KIF2C: variants seen among roughly 807,000 people sequenced by gnomAD.
The protein encoded by KIF2C is kinesin family member 2C, also known as kinesin-like protein KIF2C.
KIF2C carries 34 observed loss-of-function variants against 97.4 expected under a neutral mutation model. That is an observed-to-expected ratio of 0.35 (90% CI 0.27 to 0.46). The LOEUF (loss-of-function observed/expected upper bound fraction) is 0.46. Among genes scored for constraint, KIF2C ranks in the 20% least tolerant of loss-of-function variants. The pLI, the probability that KIF2C is intolerant of heterozygous loss-of-function variation, is 1.00. For missense variants in KIF2C, 750 were observed against 907.6 expected, an observed-to-expected ratio of 0.83 and a Z score of 2.23; for synonymous variants, 313 against 318.2, an observed-to-expected ratio of 0.98 and a Z score of 0.17.
rs1650212527 is a variant in KIF2C, at chr1:44,762,450, A to G, written c.1856A>G (p.Asn619Ser). Reference sequence around the variant, plus strand: ...TCTAACGGGGCGCTGATTCCAGGCAATGTAAGGACCAGGATGCGGCCAAGC... The same window carrying G: ...TCTAACGGGGCGCTGATTCCAGGCAGTGTAAGGACCAGGATGCGGCCAAGC... Reference protein sequence around the residue: ...ACSNGALIPGNLSKEEEELSS... With the variant: ...ACSNGALIPGSLSKEEEELSS... Residue 619 changes from asparagine to serine, a missense_variant and splice_region_variant, in exon 18 of 21, where the codon AAT (asparagine) becomes AGT (serine). Physicochemically the swap from Asn to Ser is conservative, Grantham distance 46. Transcript: ENST00000372224. 1 of 1,613,898 alleles carries G rather than the reference A, an allele frequency of 6.2e-7. No individual in the cohort carries two copies. The highest frequency in any genetic ancestry group is 1.7e-5 in the Admixed American group (1 of 60,000).
At chr1:44,762,286 C>T (rs1366188821) in intron 17 of KIF2C, 60 bp from the exon 18 acceptor site, 1 of 1,457,312 alleles carries the variant, frequency 6.9e-7, no homozygotes, top group East Asian at 2.3e-5. Flanking sequence ...GGCGGTGCCA[C>T]ATTCCTCTGG....
rs185953160 is a variant in KIF2C, at chr1:44,745,638, T to A, written c.166-1746T>A. Reference sequence around the variant, plus strand: ...ACAGGCATGCATCACACCTGGCTAATTTTTTATTTTTAGTAGAGACGGGGT... The same window carrying A: ...ACAGGCATGCATCACACCTGGCTAAATTTTTATTTTTAGTAGAGACGGGGT... On this transcript the variant is annotated intron_variant, in intron 2 of 20. Transcript: ENST00000372224. Among the ~76,000 whole-genome samples the A allele has an allele frequency of 4.9e-3, 748 of 151,390 alleles. 14 individuals carry two copies. The highest frequency in any genetic ancestry group is 0.045 in the Admixed American group (676 of 15,142).
At position 44,762,244 on chromosome 1, in the gene KIF2C, C is replaced by T. The variant is rs767136552; in HGVS notation, c.1752-102C>T. ...TTGGCTGAAGGCAAGGTTGCCATTCCATCCCCTTGGAGCCTCAAGCCTCGA... is the reference window on the plus strand; with the variant it reads ...TTGGCTGAAGGCAAGGTTGCCATTCTATCCCCTTGGAGCCTCAAGCCTCGA... On this transcript the variant is annotated intron_variant, in intron 17 of 20. Coordinates refer to ENST00000372224, the MANE Select transcript of KIF2C (RefSeq NM_006845.4). 5 of 1,114,148 alleles carry T rather than the reference C, an allele frequency of 4.5e-6. No homozygotes were observed. In the East Asian group the frequency reaches 1.2e-4, roughly 26 times the overall value. 69.0% of individuals were successfully genotyped at this position (1,114,148 alleles called of 1,614,324 possible). A position where few individuals can be genotyped will look rare whatever the true frequency, so the allele number is the denominator to read the frequency against.
At chr1:44,750,194 C>T in intron 4 of KIF2C, 1 of 291,768 alleles carries the variant, frequency 3.4e-6, no homozygotes, top group Admixed American at 5.1e-5. Context: ...TTACTCAAGA[C>T]AGCCGCTCTT....
intron 1 of KIF2C, among the ~76,000 whole-genome samples, chr1:44,740,352 C>G (rs1163295729): frequency 6.6e-6 from 1 of 152,158 alleles, no homozygotes; most frequent in Non-Finnish European, 1.5e-5. Context: ...CCCCTTTACT[C>G]TCGAATAAAT....
chr1:44,752,695 T>C (rs1649593067), intron 5 of KIF2C, among the ~76,000 whole-genome samples: 1 of 152,172 alleles, frequency 6.6e-6, no homozygotes, highest in South Asian at 2.1e-4. Context: ...ATTGAATCAA[T>C]CTGGTTAGTT....
intron 8 of KIF2C, among the ~76,000 whole-genome samples, chr1:44,755,193 A>C (rs1649757920): frequency 6.6e-6 from 1 of 152,182 alleles, no homozygotes; most frequent in African/African-American, 2.4e-5. Context: ...TCTGGGTTCA[A>C]GGAATCCGCC....
intron 19 of KIF2C, among the ~76,000 whole-genome samples, chr1:44,764,263 C>T (rs950852624): frequency 6.6e-6 from 1 of 152,076 alleles, no homozygotes; most frequent in African/African-American, 2.4e-5. Context: ...GCAGCCTCCG[C>T]CTCCTGGGTT....
At chr1:44,746,527 TC>T in intron 2 of KIF2C, 1 of 1,317,684 alleles carries the variant, frequency 7.6e-7, no homozygotes, top group Non-Finnish European at 9.6e-7. Context: ...CATTTGACTC[TC>T]ACCAGACAGT....
rs755617538 is a variant in KIF2C at position 44,757,967 on chromosome 1, G to A, written c.1128G>A (p.Met376Ile). The A allele has an allele frequency of 2.5e-6, 4 of 1,614,066 alleles. No individual in the cohort carries two copies. Among genetic ancestry groups the A allele is most frequent in the African/African-American group, 1.3e-5 (1 of 74,928 alleles). Residue 376 changes from methionine to isoleucine, a missense_variant, in exon 12 of 21, where the codon ATG becomes ATA. Transcript: ENST00000372224. ...ATGCATCCAAAGGGATCTATGCCAT[G>A]GCCTGTAAGTACTGTGTACTGCTGC... ...AQNASKGIYA[M>I]ASRDVFLLKN...
intron 5 of KIF2C, among the ~76,000 whole-genome samples, chr1:44,751,217 CAG>C (rs1238885875): frequency 3.3e-5 from 5 of 151,856 alleles, no homozygotes; most frequent in African/African-American, 1.2e-4. Flanking sequence ...TTTATTGAGA[CAG>C]AGTCTCACTC....
chr1:44,760,439 C>T lies in KIF2C; in HGVS notation c.1527C>T (p.Thr509=). ...GADTSSADRQ[T]RMEGAEINKS... is the part of the protein sequence containing the mutation. ...ACACTTCCAGTGCTGACCGGCAGAC[C>T]CGCATGGAGGGCGCAGAAATCAACA... The change falls in exon 15 of 21, where the codon ACC becomes ACT. Residue 509 remains threonine (T), a synonymous_variant. Coordinates refer to ENST00000372224, the MANE Select transcript of KIF2C (RefSeq NM_006845.4). The surrounding 1 kb of genome is among the most constrained non-coding windows in gnomAD (Gnocchi z 4.2). The T allele has an allele frequency of 6.2e-7, 1 of 1,614,190 alleles. No individual in the cohort carries two copies. The highest frequency in any genetic ancestry group is 8.5e-7 in the Non-Finnish European group (1 of 1,180,038).
Position 44,756,241 on chromosome 1 carries a change from A to G in KIF2C, c.977+4A>G, listed in dbSNP as rs1169362942. On this transcript the variant is annotated splice_donor_region_variant and intron_variant, in intron 10 of 20. Transcript: ENST00000372224. ...CTTCGAATGAAGTTGTCTACAGGTT[A>G]GTCCCTTGCATCCATTTTTCCCTCC... is the stretch of plus-strand genomic sequence containing the variant. 1.2e-6 allele frequency: 2 copies of G among 1,613,238 alleles called. No homozygotes were observed. Among genetic ancestry groups the G allele is most frequent in the South Asian group, 2.2e-5 (2 of 91,076 alleles).
chr1:44,764,760 C>T (rs1464429125), intron 19 of KIF2C, among the ~76,000 whole-genome samples: 2 of 152,098 alleles, frequency 1.3e-5, no homozygotes, highest in Non-Finnish European at 2.9e-5. Context: ...CCTCCCGCCC[C>T]GACCTCCCAA....
chr1:44,740,487 A>G (rs1479189710), intron 1 of KIF2C, among the ~76,000 whole-genome samples: 2 of 152,122 alleles, frequency 1.3e-5, no homozygotes, highest in African/African-American at 2.4e-5. Flanking sequence ...TACCCGTGTC[A>G]TTAGGGAAAT....
chr1:44,758,955 C>T, intron 13 of KIF2C: 1 of 489,922 alleles, frequency 2.0e-6, no homozygotes, highest in Non-Finnish European at 3.7e-6. Flanking sequence ...AGATGAGATG[C>T]AAGGCTAGAG....
intron 4 of KIF2C, among the ~76,000 whole-genome samples, chr1:44,748,007 C>T (rs1298051415): frequency 2.0e-5 from 3 of 152,224 alleles, no homozygotes; most frequent in Non-Finnish European, 4.4e-5. Flanking sequence ...CCTCGGGGCT[C>T]AGCCCCCTCA....
intron 2 of KIF2C, among the ~76,000 whole-genome samples, chr1:44,741,867 C>G (rs1444328143): frequency 2.0e-5 from 3 of 151,762 alleles, no homozygotes; most frequent in Non-Finnish European, 4.4e-5. Flanking sequence ...GTGGTGCATG[C>G]CTGTGGTCCC....
chr1:44,765,933 T>C (rs1052558024), intron 19 of KIF2C, among the ~76,000 whole-genome samples: 1 of 152,164 alleles, frequency 6.6e-6, no homozygotes, highest in African/African-American at 2.4e-5. Context: ...GCACCTGTAA[T>C]CCCAGCTACT....
Sources: allele counts gnomAD v4.1 joint callset (sites outside exome capture counted in the v4.1 genomes callset), GRCh38; gene constraint gnomAD v4.1.1; non-coding constraint Gnocchi (gnomAD v3.1); transcripts MANE v1.5; gene names NCBI Gene and HGNC (gene_info 2026-07-23, HGNC 2026-07-21).